The following LIMCH1 variants were observed in gnomAD, a reference collection of about 807,000 sequenced individuals.
LIMCH1 encodes the protein LIM and calponin homology domains-containing protein 1.
Under a neutral mutation model 176.5 loss-of-function variants are expected in LIMCH1, and 113 were observed. That is an observed-to-expected ratio of 0.64 (90% CI 0.55 to 0.75). LIMCH1 has a LOEUF of 0.75. Among genes scored for constraint, LIMCH1 ranks in the 30% least tolerant of loss-of-function variants. The pLI is 0.00. For synonymous variants in LIMCH1, 619 were observed against 645.9 expected (o/e 0.96, Z 0.63); for missense variants, 1,674 against 1,814.9 (o/e 0.92, Z 1.41).
chr4:41,620,965 T>C (rs2092531570), intron 7 of LIMCH1, among the ~76,000 whole-genome samples: 1 of 152,258 alleles, frequency 6.6e-6, no homozygotes, highest in African/African-American at 2.4e-5. Flanking sequence ...CAGTCATGTG[T>C]GGGCTGCAGG....
intron 1 of LIMCH1, among the ~76,000 whole-genome samples, chr4:41,377,837 A>C (rs527740049): frequency 6.6e-6 from 1 of 152,286 alleles, no homozygotes; most frequent in South Asian, 2.1e-4. Flanking sequence ...CTCTTGTGAT[A>C]ACTGACCCAC....
intron 1 of LIMCH1, among the ~76,000 whole-genome samples, chr4:41,448,323 G>T (rs961343065): frequency 2.6e-5 from 4 of 152,196 alleles, no homozygotes; most frequent in African/African-American, 9.6e-5. Flanking sequence ...CTGGCTGACT[G>T]GTTGAGGCTA....
At chr4:41,409,930 C>A (rs1362656380) in intron 1 of LIMCH1, among the ~76,000 whole-genome samples, 1 of 152,152 alleles carries the variant, frequency 6.6e-6, no homozygotes, top group Non-Finnish European at 1.5e-5. Flanking sequence ...CTTCCTTATG[C>A]AATCATTTTG....
chr4:41,619,317 C>G lies in LIMCH1; in HGVS notation c.335C>G (p.Pro112Arg). ...GCAGTGCCTTTTAACCAGTACCTCC[C>G]GAACAAAAGCAATCAGACGGCCTAC... ...KSAVPFNQYL[P>R]NKSNQTAYVP... The change falls in exon 6 of 32, where the codon CCG becomes CGG. Residue 112 changes from proline to arginine, a missense_variant. Around this residue, in one of 3 missense-constraint regions of LIMCH1, gnomAD observed 655 missense variants for 692.2 expected, o/e 0.95. Transcript: ENST00000503057. 6.2e-7 allele frequency: 1 copy of G among 1,614,166 alleles called. No individual in the cohort carries two copies. The highest frequency in any genetic ancestry group is 8.5e-7 in the Non-Finnish European group (1 of 1,180,020).
At chr4:41,652,478 T>C (rs2094336592) in intron 18 of LIMCH1, among the ~76,000 whole-genome samples, 1 of 152,204 alleles carries the variant, frequency 6.6e-6, no homozygotes, top group Admixed American at 6.5e-5. Flanking sequence ...TTACCTCTGC[T>C]AGAGATTTCT....
intron 1 of LIMCH1, among the ~76,000 whole-genome samples, chr4:41,594,904 T>C (rs1354592361): frequency 1.3e-5 from 2 of 152,166 alleles, no homozygotes; most frequent in African/African-American, 4.8e-5. Context: ...TTGTCTTTTA[T>C]TGTGGTGCCA....
At chr4:41,531,248 A>C (rs1041815772) in intron 3 of LIMCH1, among the ~76,000 whole-genome samples, 1 of 152,056 alleles carries the variant, frequency 6.6e-6, no homozygotes, top group Non-Finnish European at 1.5e-5. Context: ...AATTCAACCA[A>C]ATTGAGGAAG....
intron 1 of LIMCH1, among the ~76,000 whole-genome samples, chr4:41,561,449 C>T (rs1178429517): frequency 2.6e-5 from 4 of 152,004 alleles, no homozygotes; most frequent in Non-Finnish European, 4.4e-5. Context: ...TTGAGCATGG[C>T]GATGTGTGAG....
At chr4:41,473,039 A>G (rs2067220382) in intron 1 of LIMCH1, 1 of 985,238 alleles carries the variant, frequency 1.0e-6, no homozygotes, top group Non-Finnish European at 1.2e-6. Context: ...ATCTCCACGA[A>G]ATAATAATGT....
At chr4:41,530,098 T>C (rs561079963) in intron 3 of LIMCH1, among the ~76,000 whole-genome samples, 1 of 152,344 alleles carries the variant, frequency 6.6e-6, no homozygotes, top group African/African-American at 2.4e-5. Context: ...TTATGAAAAC[T>C]GACATCAGAA....
At chr4:41,692,486 T>G (rs1049456118) in intron 31 of LIMCH1, 102 bp downstream of exon 31, 1 of 705,168 alleles carries the variant, frequency 1.4e-6, no homozygotes, top group Admixed American at 2.4e-5. Context: ...CCGTTGACAC[T>G]CTAATCTGAG....
At chr4:41,376,533 G>A (rs950940051) in intron 1 of LIMCH1, among the ~76,000 whole-genome samples, 2 of 152,022 alleles carry the variant, frequency 1.3e-5, no homozygotes, top group Non-Finnish European at 1.5e-5. Context: ...GTGATCTGTA[G>A]ACCAATAATT....
chr4:41,676,889 G>A (rs1255692852), intron 23 of LIMCH1, among the ~76,000 whole-genome samples: 8 of 152,080 alleles, frequency 5.3e-5, no homozygotes, highest in South Asian at 2.1e-4. Flanking sequence ...AGGGCTGGGC[G>A]TGGTGGCTCA....
intron 1 of LIMCH1, among the ~76,000 whole-genome samples, chr4:41,366,992 C>A (rs967949356): frequency 6.6e-6 from 1 of 152,132 alleles, no homozygotes; most frequent in Non-Finnish European, 1.5e-5. Context: ...CAAGACAGGT[C>A]TCATATGGTG....
chr4:41,667,197 T>C (rs1178445817), intron 21 of LIMCH1, among the ~76,000 whole-genome samples: 1 of 152,188 alleles, frequency 6.6e-6, no homozygotes, highest in Non-Finnish European at 1.5e-5. Flanking sequence ...ATTATGTATA[T>C]TTCACTGTTA....
chr4:41,578,925 A>T (rs1431536851), intron 1 of LIMCH1, among the ~76,000 whole-genome samples: 1 of 151,772 alleles, frequency 6.6e-6, no homozygotes, highest in African/African-American at 2.4e-5. Flanking sequence ...CTGGTCTCAA[A>T]CTCCTGGCCT....
At chr4:41,480,656 G>C (rs1417750233) in intron 1 of LIMCH1, among the ~76,000 whole-genome samples, 1 of 152,110 alleles carries the variant, frequency 6.6e-6, no homozygotes, top group Non-Finnish European at 1.5e-5. Context: ...TGATACCCAG[G>C]TAACAATAAC....
At position 41,678,585 on chromosome 4, in the gene LIMCH1, T is replaced by G. The variant is rs148292713; in HGVS notation, c.3520-1421T>G. Among the ~76,000 whole-genome samples the G allele has an allele frequency of 5.7e-3, 862 of 152,302 alleles. 5 individuals carry two copies. The highest frequency in any genetic ancestry group is 0.018 in the African/African-American group (764 of 41,564). On this transcript the variant is annotated intron_variant, in intron 23 of 31. Transcript: ENST00000503057. ...TGTGCTCCTCACTGTGGTGCTCTAT[T>G]ACATGCCAAGGGGTGACCCTGGTAA...
At chr4:41,459,010 A>G (rs1161215956) in intron 1 of LIMCH1, among the ~76,000 whole-genome samples, 1 of 152,158 alleles carries the variant, frequency 6.6e-6, no homozygotes, top group Non-Finnish European at 1.5e-5. Context: ...TAAAATGGGA[A>G]AAATAATATT....
Sources: allele counts gnomAD v4.1 joint callset (sites outside exome capture counted in the v4.1 genomes callset), GRCh38; gene constraint gnomAD v4.1.1; regional missense constraint gnomAD v4.1.1; transcripts MANE v1.5; gene names NCBI Gene and HGNC (gene_info 2026-07-23, HGNC 2026-07-21).